The following POSTN variants were observed in gnomAD, a reference collection of about 807,000 sequenced individuals.
POSTN encodes periostin.
A neutral mutation model predicts 104.5 loss-of-function variants in POSTN; 71 were observed. That is an observed-to-expected ratio of 0.68 (90% confidence interval 0.56 to 0.83). POSTN has a LOEUF of 0.83. Ranked by LOEUF, POSTN falls within the 40% of genes least tolerant of loss-of-function variation. The probability of loss-of-function intolerance (pLI) is 0.00; values close to 1 mark genes in which losing one functional copy is unlikely to be tolerated. For missense variants in POSTN, 949 were observed against 1,006.8 expected (o/e 0.94, Z 0.78); for synonymous variants, 355 against 340.7 (o/e 1.04, Z -0.46).
rs1241216924 is a variant in POSTN at position 37,582,533 on chromosome 13, A to G, written c.1244-19T>C. 1 of 1,575,314 alleles carries G rather than the reference A, an allele frequency of 6.3e-7. No homozygotes were observed. The highest frequency in any genetic ancestry group is 8.6e-7 in the Non-Finnish European group (1 of 1,162,830). ...GTATCATCTGTAAATAAATTCATTA[A>G]GAAAGAGCATTATTTTATTTAGAAA... On this transcript the variant is annotated intron_variant, in intron 9 of 22. Transcript: ENST00000379747.
chr13:37,570,276 C>T (rs1051955166), intron 19 of POSTN, among the ~76,000 whole-genome samples: 3 of 151,564 alleles, frequency 2.0e-5, no homozygotes, highest in Admixed American at 1.3e-4. Context: ...CTTCTAGGGT[C>T]CTCTAACTCA....
chr13:37,577,903 A>G, intron 15 of POSTN, 105 bp from the exon 16 acceptor site: 1 of 1,516,988 alleles, frequency 6.6e-7, no homozygotes, highest in South Asian at 1.3e-5. Flanking sequence ...TGAAGCTATT[A>G]TTACACTTAA....
intron 2 of POSTN, among the ~76,000 whole-genome samples, chr13:37,596,215 C>T (rs974250702): frequency 2.6e-5 from 4 of 152,108 alleles, no homozygotes; most frequent in Non-Finnish European, 5.9e-5. Flanking sequence ...GCAGGTTCTT[C>T]CTGGGGTCTT....
At chr13:37,587,208 C>T (rs1335703830) in intron 5 of POSTN, among the ~76,000 whole-genome samples, 7 of 152,098 alleles carry the variant, frequency 4.6e-5, no homozygotes, top group Non-Finnish European at 1.0e-4. Flanking sequence ...TATTGCTTTT[C>T]TCTTTTATGC....
chr13:37,584,030 T>G lies in POSTN; in HGVS notation c.1182A>C (p.Ala394=). The G allele has an allele frequency of 6.2e-7, 1 of 1,613,990 alleles. No individual in the cohort carries two copies. The highest frequency in any genetic ancestry group is 1.1e-5 in the South Asian group (1 of 91,072). ...ATTCTCCATCTGGCCTCAGAGCAGA[T>G]GCCAAGCCTAATTGGGCCACAAGAT... ...FTDLVAQLGL[A]SALRPDGEYT... is the part of the protein sequence containing the mutation. Residue 394 remains alanine (A), a synonymous_variant, in exon 9 of 23, where the codon GCA becomes GCC. Coordinates refer to ENST00000379747, the MANE Select transcript of POSTN (RefSeq NM_006475.3).
At chr13:37,566,852 A>C (rs1265117593) in intron 21 of POSTN, among the ~76,000 whole-genome samples, 3 of 152,166 alleles carry the variant, frequency 2.0e-5, no homozygotes, top group African/African-American at 7.2e-5. Context: ...GTGACAAATC[A>C]CAACATCAGT....
Position 37,579,044 on chromosome 13 carries a change from AAC to A in POSTN, c.1867_1868del (p.Val623CysfsTer3), listed in dbSNP as rs1172895011. 5.6e-6 allele frequency: 9 copies of A among 1,613,482 alleles called. No individual in the cohort carries two copies. Among genetic ancestry groups the A allele is most frequent in the Non-Finnish European group, 1.7e-6 (2 of 1,179,688 alleles). On this transcript the variant is annotated frameshift_variant, in exon 14 of 23. Transcript: ENST00000379747. LOFTEE classifies it high-confidence loss of function. ...DIMTTNGVIHVVDKLLYPADT... is the reference protein window; with the variant it reads ...DIMTTNGVIHXVDKLLYPADT... ...CTGCTGGATAGAGGAGTTTATCTAC[AAC>A]ATGAATTACACCATTTGTTGTCATG...
chr13:37,589,688 T>C (rs955350049), intron 4 of POSTN, among the ~76,000 whole-genome samples: 11 of 152,274 alleles, frequency 7.2e-5, no homozygotes, highest in African/African-American at 2.6e-4. Flanking sequence ...ACACAGCTAG[T>C]GTAGCAAGAT....
intron 21 of POSTN, among the ~76,000 whole-genome samples, chr13:37,567,639 A>G (rs1950153197): frequency 6.6e-6 from 1 of 152,180 alleles, no homozygotes; most frequent in South Asian, 2.1e-4. Context: ...ATAATAGTTG[A>G]CGTGGCATTG....
At chr13:37,580,950 C>T (rs1037605228) in intron 10 of POSTN, among the ~76,000 whole-genome samples, 1 of 152,052 alleles carries the variant, frequency 6.6e-6, no homozygotes, top group African/African-American at 2.4e-5. Flanking sequence ...CAATAAATTA[C>T]AAAAGTTCCA....
intron 16 of POSTN, among the ~76,000 whole-genome samples, chr13:37,576,632 C>T (rs1361469355): frequency 1.3e-5 from 2 of 151,650 alleles, no homozygotes; most frequent in African/African-American, 2.4e-5. Context: ...ATATTTATAC[C>T]TTTGATGAAG....
chr13:37,586,413 A>C (rs1950746960), intron 6 of POSTN, 133 bp from the exon 7 acceptor site: 2 of 984,204 alleles, frequency 2.0e-6, no homozygotes, highest in Non-Finnish European at 2.9e-6. Flanking sequence ...AAATCTTCAA[A>C]ATATTACTTT....
At chr13:37,588,375 AG>A (rs143973889) in intron 4 of POSTN, among the ~76,000 whole-genome samples, 4,556 of 152,284 alleles carry the variant, frequency 0.03, 215 homozygotes, top group African/African-American at 0.1. Context: ...AGTTTTAACA[AG>A]GGTTTCATGT....
Position 37,590,379 on chromosome 13 carries a change from A to G in POSTN, c.434T>C (p.Leu145Ser). The change falls in exon 4 of 23, where the codon TTG becomes TCG. Residue 145 changes from leucine to serine, a missense_variant. Transcript: ENST00000379747. ...FAPSNEAWDN[L>S]DSDIRRGLES... The stretch of plus-strand genomic sequence containing the variant: ...ATAAAAATAATGAATTACAGAATCC[A>G]AGTTGTCCCAAGCCTCATTACTCGG... 1 of 1,559,778 alleles carries G rather than the reference A, an allele frequency of 6.4e-7. No homozygotes were observed. Among genetic ancestry groups the G allele is most frequent in the Non-Finnish European group, 8.7e-7 (1 of 1,152,506 alleles).
chr13:37,574,251 C>G (rs1312977995), intron 17 of POSTN, among the ~76,000 whole-genome samples: 3 of 151,322 alleles, frequency 2.0e-5, no homozygotes, highest in Non-Finnish European at 4.4e-5. Flanking sequence ...AGTATACAGC[C>G]TGTAGGAGTC....
At chr13:37,594,995 A>G (rs1951044678) in intron 2 of POSTN, among the ~76,000 whole-genome samples, 1 of 151,472 alleles carries the variant, frequency 6.6e-6, no homozygotes, top group Non-Finnish European at 1.5e-5. Flanking sequence ...AACAAAGGAG[A>G]CACTGTTACA....
intron 3 of POSTN, among the ~76,000 whole-genome samples, chr13:37,591,679 G>T (rs1215541445): frequency 3.3e-5 from 5 of 152,008 alleles, no homozygotes; most frequent in African/African-American, 7.2e-5. Context: ...GGAAATAGAT[G>T]AGCTATTTTT....
At chr13:37,563,912 T>C (rs1950001591) in intron 22 of POSTN, among the ~76,000 whole-genome samples, 1 of 151,892 alleles carries the variant, frequency 6.6e-6, no homozygotes, top group Non-Finnish European at 1.5e-5. Flanking sequence ...AATTATGAAA[T>C]AAATTGTAAT....
chr13:37,594,696 C>T (rs181243787), intron 2 of POSTN, among the ~76,000 whole-genome samples: 296 of 152,106 alleles, frequency 1.9e-3, no homozygotes, highest in Non-Finnish European at 3.3e-3. Flanking sequence ...AATATCTTGA[C>T]CCTAGGAAGC....
Sources: allele counts gnomAD v4.1 joint callset (sites outside exome capture counted in the v4.1 genomes callset), GRCh38; gene constraint gnomAD v4.1.1; transcripts MANE v1.5; gene names NCBI Gene and HGNC (gene_info 2026-07-23, HGNC 2026-07-21).